Variants in PHF13 observed in about 807,000 individuals in gnomAD.
The protein encoded by PHF13 is PHD finger protein 13.
Under a neutral mutation model 25.8 loss-of-function variants are expected in PHF13, and 1 was observed. The ratio of observed to expected loss-of-function variants is 0.04; its 90% CI spans 0.01 to 0.18. PHF13 has a LOEUF of 0.18. Among genes scored for constraint, PHF13 ranks in the 10% least tolerant of loss-of-function variants. The probability of loss-of-function intolerance (pLI) is 1.00; values close to 1 mark genes in which losing one functional copy is unlikely to be tolerated. For synonymous variants in PHF13, 195 were observed against 162.4 expected (o/e 1.20, Z -1.53); for missense variants, 306 against 403.2 (o/e 0.76, Z 2.06).
rs1196945533 is a variant in PHF13 at position 6,619,971 on chromosome 1, A to G, written c.310A>G (p.Ser104Gly). The change falls in exon 3 of 4, where the codon AGT (serine) becomes GGT (glycine). Residue 104 changes from serine to glycine, a missense_variant. Around this residue, in one of 5 missense-constraint regions of PHF13, gnomAD observed 186 missense variants for 164.0 expected, o/e 1.13. Coordinates refer to ENST00000377648, the MANE Select transcript of PHF13 (RefSeq NM_153812.3). Reference sequence around the variant, plus strand: ...TACTCTCTTGCAGCGAGCCAAGCCCAGTAACTTCCTGCTGGACAGAAAGAA... The same window carrying G: ...TACTCTCTTGCAGCGAGCCAAGCCCGGTAACTTCCTGCTGGACAGAAAGAA... Reference protein sequence around the residue: ...QPTLLQRAKPSNFLLDRKKTD... With the variant: ...QPTLLQRAKPGNFLLDRKKTD... 6.2e-7 allele frequency: 1 copy of G among 1,613,930 alleles called. No homozygotes were observed. The highest frequency in any genetic ancestry group is 8.5e-7 in the Non-Finnish European group (1 of 1,179,998).
intron 2 of PHF13, among the ~76,000 whole-genome samples, chr1:6,618,865 T>G (rs1641299486): frequency 6.6e-6 from 1 of 151,994 alleles, no homozygotes; most frequent in Non-Finnish European, 1.5e-5. Context: ...CAGGCTGGTG[T>G]CGAACTCCTG....
chr1:6,615,951 G>T (rs1420747424), intron 1 of PHF13, among the ~76,000 whole-genome samples: 1 of 151,844 alleles, frequency 6.6e-6, no homozygotes, highest in Non-Finnish European at 1.5e-5. Context: ...CTCAGGTGGC[G>T]CTAGCTTGGC....
Position 6,621,332 on chromosome 1 carries a change from T to C in PHF13, c.677-79T>C, listed in dbSNP as rs1039628522. The C allele has an allele frequency of 6.9e-7, 1 of 1,456,768 alleles. No homozygotes were observed. The highest frequency in any genetic ancestry group is 1.8e-5 in the Admixed American group (1 of 54,200). 90.2% of individuals were successfully genotyped at this position (1,456,768 alleles called of 1,614,324 possible). ...GAAGTGTTCTCGTCAGTAGAGTTAA[T>C]GGGTTTCATGGAAGCCCAGCTGATG... On this transcript the variant is annotated intron_variant, in intron 3 of 3. Coordinates refer to ENST00000377648, the MANE Select transcript of PHF13 (RefSeq NM_153812.3). This position sits in a 1 kb window ranked among gnomAD's most constrained non-coding sequence, Gnocchi z 4.8.
chr1:6,621,328 T>G lies in PHF13; in HGVS notation c.677-83T>G, dbSNP rs886356185. 4.9e-6 allele frequency: 7 copies of G among 1,424,752 alleles called. No homozygotes were observed. The African/African-American group carries it at 5.6e-5, about 11-fold the overall frequency. The allele number at this position is 1,424,752 out of a possible 1,614,324, so 88.3% of individuals were successfully genotyped here. On this transcript the variant is annotated intron_variant, in intron 3 of 3. Coordinates refer to ENST00000377648, the MANE Select transcript of PHF13 (RefSeq NM_153812.3). The surrounding 1 kb of genome is among the most constrained non-coding windows in gnomAD (Gnocchi z 4.8). ...GTTGGAAGTGTTCTCGTCAGTAGAG[T>G]TAATGGGTTTCATGGAAGCCCAGCT...
At position 6,616,841 on chromosome 1, in the gene PHF13, A is replaced by G; in HGVS notation, c.124A>G (p.Ile42Val). 6.2e-7 allele frequency: 1 copy of G among 1,613,968 alleles called. No individual in the cohort carries two copies. The highest frequency in any genetic ancestry group is 8.5e-7 in the Non-Finnish European group (1 of 1,179,820). Residue 42 changes from isoleucine to valine, a missense_variant, in exon 2 of 4, where the codon ATC becomes GTC. Transcript: ENST00000377648. ...CTFVLAYAGY[I>V]PYPKEELPLR... The stretch of plus-strand genomic sequence containing the variant: ...CTTTGTCTTGGCCTATGCTGGCTAC[A>G]TCCCTTATCCGAAGGAGGTAATCTT...
rs1641372983 is a variant in PHF13, at chr1:6,623,266, A to G, written c.*1629A>G. On this transcript the variant is annotated 3_prime_UTR_variant, in exon 4 of 4. Coordinates refer to ENST00000377648, the MANE Select transcript of PHF13 (RefSeq NM_153812.3). ...TGTCCAACCGTCTTATTTTTTTAAA[A>G]GTTCTGTTGCTTGTATTAACACGAA... 6.6e-6 allele frequency: 1 copy of G among 152,504 alleles called. No individual in the cohort carries two copies. The highest frequency in any genetic ancestry group is 2.1e-4 in the South Asian group (1 of 4,832). The allele number at this position is 152,504 out of a possible 1,614,324, so 9.4% of individuals were successfully genotyped here.
chr1:6,617,016 G>C (rs192169018), intron 2 of PHF13, among the ~76,000 whole-genome samples, 158 bp downstream of exon 2: 2 of 152,234 alleles, frequency 1.3e-5, no homozygotes, highest in African/African-American at 4.8e-5. Flanking sequence ...TCTGTTTCTT[G>C]AGAGTTTGAA....
At position 6,613,941 on chromosome 1, in the gene PHF13, C is replaced by T. The variant is rs1641209345; in HGVS notation, c.-126C>T. On this transcript the variant is annotated 5_prime_UTR_variant, in exon 1 of 4. Coordinates refer to ENST00000377648, the MANE Select transcript of PHF13 (RefSeq NM_153812.3). ...GCGCTGAGCCCCCCATCACCTCCAGCCCGGGCGACCCCTCCCGGGTCCGCC... is the reference window on the plus strand; with the variant it reads ...GCGCTGAGCCCCCCATCACCTCCAGTCCGGGCGACCCCTCCCGGGTCCGCC... 3 of 594,136 alleles carry T rather than the reference C, an allele frequency of 5.0e-6. No individual in the cohort carries two copies. The highest frequency in any genetic ancestry group is 8.6e-6 in the Non-Finnish European group (3 of 347,586). The allele number at this position is 594,136 out of a possible 1,614,324, so 36.8% of individuals were successfully genotyped here.
Position 6,619,895 on chromosome 1 carries a change from G to C in PHF13, c.234G>C (p.Ala78=), listed in dbSNP as rs751868551. The part of the protein sequence containing the change: ...DGWDAGFSDI[A]SSVPLPVSDR... ...GGGACGCGGGTTTCTCAGACATCGC[G>C]TCCTCAGTGCCCTTGCCAGTCTCTG... The change falls in exon 3 of 4, where the codon GCG becomes GCC. Residue 78 remains alanine, a synonymous_variant. Transcript: ENST00000377648. 6 of 1,613,844 alleles carry C rather than the reference G, an allele frequency of 3.7e-6. No homozygotes were observed. The highest frequency in any genetic ancestry group is 5.1e-6 in the Non-Finnish European group (6 of 1,180,028).
intron 1 of PHF13, among the ~76,000 whole-genome samples, chr1:6,615,094 G>C (rs1000489825): frequency 9.9e-5 from 15 of 151,206 alleles, no homozygotes; most frequent in African/African-American, 3.6e-4. Flanking sequence ...AGGGCGGGTG[G>C]GGGCCGCTCC....
At chr1:6,615,369 A>G (rs1006930286) in intron 1 of PHF13, among the ~76,000 whole-genome samples, 2 of 152,214 alleles carry the variant, frequency 1.3e-5, no homozygotes, top group South Asian at 4.1e-4. Flanking sequence ...AGCGCGGTCA[A>G]CGCGGGCCTT....
At chr1:6,620,423 A>T in intron 3 of PHF13, 86 bp downstream of exon 3, 1 of 1,456,204 alleles carries the variant, frequency 6.9e-7, no homozygotes, top group Admixed American at 2.1e-5. Context: ...TCTCTGGGGC[A>T]CAGGGTCTGG....
chr1:6,621,886 G>C lies in PHF13; in HGVS notation c.*249G>C, dbSNP rs1248395145. On this transcript the variant is annotated 3_prime_UTR_variant, in exon 4 of 4. Transcript: ENST00000377648. The surrounding 1 kb of genome is among the most constrained non-coding windows in gnomAD (Gnocchi z 4.8). ...CAGTGGAGGTGGACTGGACACCCAC[G>C]TGCAGCGGGTTTGGCTCATTTGAAA... 1 of 554,476 alleles carries C rather than the reference G, an allele frequency of 1.8e-6. No individual in the cohort carries two copies. The highest frequency in any genetic ancestry group is 1.9e-5 in the African/African-American group (1 of 52,944). The allele number at this position is 554,476 out of a possible 1,614,324, so 34.3% of individuals were successfully genotyped here.
Position 6,616,766 on chromosome 1 carries a change from C to G in PHF13, c.49C>G (p.Pro17Ala). ...TCTCTCCCCTTAATAGGAATACTCC[C>G]CCAGTTGCAAGAGGCGCAGGACCGT... Reference protein sequence around the residue: ...AAAFHPEEYSPSCKRRRTVED... With the variant: ...AAAFHPEEYSASCKRRRTVED... The change falls in exon 2 of 4, where the codon CCC (proline) becomes GCC (alanine). Residue 17 changes from proline to alanine, a missense_variant. Pro to Ala is a conservative substitution (Grantham distance 27). Coordinates refer to ENST00000377648, the MANE Select transcript of PHF13 (RefSeq NM_153812.3). The G allele has an allele frequency of 6.2e-7, 1 of 1,613,922 alleles. No individual in the cohort carries two copies. Among genetic ancestry groups the G allele is most frequent in the African/African-American group, 1.3e-5 (1 of 75,044 alleles).
At position 6,621,373 on chromosome 1, in the gene PHF13, A is replaced by G; in HGVS notation, c.677-38A>G. On this transcript the variant is annotated intron_variant, in intron 3 of 3. Coordinates refer to ENST00000377648, the MANE Select transcript of PHF13 (RefSeq NM_153812.3). The surrounding 1 kb of genome is among the most constrained non-coding windows in gnomAD (Gnocchi z 4.8). ...CCAGCTGATGGCGAGGAATGATGGG[A>G]ATTTCTCTTCCCTCCTTGAGAGTAT... The G allele has an allele frequency of 1.2e-6, 2 of 1,602,270 alleles. No homozygotes were observed. Among genetic ancestry groups the G allele is most frequent in the South Asian group, 2.2e-5 (2 of 90,622 alleles).
In PHF13 at chr1:6,621,260, C is replaced by A. The variant is rs1188091663; in HGVS notation, c.677-151C>A. On this transcript the variant is annotated intron_variant, in intron 3 of 3. Transcript: ENST00000377648. The surrounding 1 kb of genome is among the most constrained non-coding windows in gnomAD (Gnocchi z 4.8). Reference sequence around the variant, plus strand: ...TACCTGGTTCCCACACATTTTGGAGCCCCTCGTGCCTTTTCAGAGAGAAGT... The same window carrying A: ...TACCTGGTTCCCACACATTTTGGAGACCCTCGTGCCTTTTCAGAGAGAAGT... 4.0e-6 allele frequency: 3 copies of A among 759,280 alleles called. No individual in the cohort carries two copies. The highest frequency in any genetic ancestry group is 4.3e-6 in the Non-Finnish European group (2 of 464,760). 47.0% of individuals were successfully genotyped at this position (759,280 alleles called of 1,614,324 possible). A position where few individuals can be genotyped will look rare whatever the true frequency, so the allele number is the denominator to read the frequency against.
In PHF13 at chr1:6,620,073, G is replaced by A; in HGVS notation, c.412G>A (p.Gly138Ser). 6.2e-7 allele frequency: 1 copy of A among 1,613,438 alleles called. No homozygotes were observed. The stretch of plus-strand genomic sequence containing the variant: ...GCCTGGGAAAGAGGGGTACAGGGGG[G>A]GCTTGCTGAAGCTGGAAGCCGCTGA... ...DAPGKEGYRG[G>S]LLKLEAADPY... Residue 138 changes from glycine (G) to serine (S), a missense_variant, in exon 3 of 4, where the codon GGC (glycine) becomes AGC (serine). Coordinates refer to ENST00000377648, the MANE Select transcript of PHF13 (RefSeq NM_153812.3).
At position 6,623,760 on chromosome 1, in the gene PHF13, T is replaced by G. The variant is rs1641386537; in HGVS notation, c.*2123T>G. On this transcript the variant is annotated 3_prime_UTR_variant, in exon 4 of 4. Transcript: ENST00000377648. Reference sequence around the variant, plus strand: ...TTGAGCTGGGCAGCTGCAATCAGCTTCTTTATATGCAAATTAGGCACGACC... The same window carrying G: ...TTGAGCTGGGCAGCTGCAATCAGCTGCTTTATATGCAAATTAGGCACGACC... 3 of 152,656 alleles carry G rather than the reference T, an allele frequency of 2.0e-5. No individual in the cohort carries two copies. The highest frequency in any genetic ancestry group is 2.9e-5 in the Non-Finnish European group (2 of 68,048). 9.5% of individuals were successfully genotyped at this position (152,656 alleles called of 1,614,324 possible). A position where few individuals can be genotyped will look rare whatever the true frequency, so the allele number is the denominator to read the frequency against.
Position 6,621,944 on chromosome 1 carries a change from T to C in PHF13, c.*307T>C. The C allele has an allele frequency of 4.5e-6, 2 of 446,752 alleles. No individual in the cohort carries two copies. The highest frequency in any genetic ancestry group is 2.2e-5 in the South Asian group (1 of 45,292). The allele number at this position is 446,752 out of a possible 1,614,324, so 27.7% of individuals were successfully genotyped here. A position where few individuals can be genotyped will look rare whatever the true frequency, so the allele number is the denominator to read the frequency against. ...TCCGTGGTAGCTGTGCGTTTTGCTA[T>C]CATTGCTAAGAGATTCCCGCTGATT... On this transcript the variant is annotated 3_prime_UTR_variant, in exon 4 of 4. Transcript: ENST00000377648. The surrounding 1 kb of genome is among the most constrained non-coding windows in gnomAD (Gnocchi z 4.8).
Sources: allele counts gnomAD v4.1 joint callset (sites outside exome capture counted in the v4.1 genomes callset), GRCh38; gene constraint gnomAD v4.1.1; regional missense constraint gnomAD v4.1.1; non-coding constraint Gnocchi (gnomAD v3.1); transcripts MANE v1.5; gene names NCBI Gene and HGNC (gene_info 2026-07-23, HGNC 2026-07-21).